The following SMG1 variants were observed in gnomAD, a reference collection of about 807,000 sequenced individuals.
SMG1 encodes the protein SMG1 nonsense mediated mRNA decay associated PI3K related kinase.
SMG1 carries 22 observed loss-of-function variants against 419.9 expected under a neutral mutation model. The ratio of observed to expected loss-of-function variants is 0.05; its 90% CI spans 0.04 to 0.07. The LOEUF is 0.07. Among genes scored for constraint, SMG1 ranks in the 10% least tolerant of loss-of-function variants. SMG1 has a pLI of 1.00. For missense variants in SMG1, 3,185 were observed against 4,342.0 expected, an observed-to-expected ratio of 0.73 and a Z score of 7.49; for synonymous variants, 1,538 against 1,553.5, an observed-to-expected ratio of 0.99 and a Z score of 0.23.
chr16:18,886,486 A>C (rs1353910504), intron 6 of SMG1, among the ~76,000 whole-genome samples: 4 of 148,030 alleles, frequency 2.7e-5, no homozygotes, highest in Non-Finnish European at 5.9e-5. Flanking sequence ...GCAATCTTAT[A>C]AAAGAAATGC....
rs755546459 is a variant in SMG1 at position 18,854,866 on chromosome 16, C to T, written c.4273G>A (p.Gly1425Ser). The T allele has an allele frequency of 3.7e-6, 6 of 1,614,000 alleles. No homozygotes were observed. The highest frequency in any genetic ancestry group is 5.1e-6 in the Non-Finnish European group (6 of 1,179,894). The stretch of plus-strand genomic sequence containing the variant: ...CTAGCAAATTTTGCTGCTGTTAGAC[C>T]TAATTCCATGAGATGGCTTCTAATT... Reference protein sequence around the residue: ...VPIRSHLMELGLTAAKFARKR... With the variant: ...VPIRSHLMELSLTAAKFARKR... The change falls in exon 30 of 63, where the codon GGT becomes AGT. Residue 1425 changes from glycine to serine, a missense_variant. By Grantham distance (56) the Gly-to-Ser change is moderately conservative. This residue lies in a region of SMG1 where 493 missense variants were observed against 552.9 expected (regional missense o/e 0.89). Transcript: ENST00000446231.
At chr16:18,885,035 A>T (rs1596594657) in intron 8 of SMG1, 55 bp downstream of exon 8, 1 of 646,428 alleles carries the variant, frequency 1.5e-6, no homozygotes, top group East Asian at 2.7e-5. Flanking sequence ...TCACTGGGGG[A>T]CCACTGCTCC....
At position 18,919,657 on chromosome 16, in the gene SMG1, T is replaced by TAC. The variant is rs368125844; in HGVS notation, c.92+6291_92+6292dup. Among the ~76,000 whole-genome samples the TAC allele has an allele frequency of 8.2e-3, 1,029 of 125,674 alleles. 12 individuals are homozygous for TAC. The highest frequency in any genetic ancestry group is 0.015 in the East Asian group (61 of 4,090). 82.4% of individuals were successfully genotyped at this position (125,674 alleles called of 152,430 possible). ...AAATGTGTGTGTGTGTGTGTATATA[T>TAC]ACACACACACACACACACACACACA... On this transcript the variant is annotated intron_variant, in intron 1 of 62. Coordinates refer to ENST00000446231, the MANE Select transcript of SMG1 (RefSeq NM_015092.5).
At chr16:18,902,389 C>T (rs2037382316) in intron 1 of SMG1, among the ~76,000 whole-genome samples, 1 of 152,116 alleles carries the variant, frequency 6.6e-6, no homozygotes, top group Non-Finnish European at 1.5e-5. Context: ...AGTGAGTCCT[C>T]CTGGCAAATC....
chr16:18,816,998 A>G (rs1021383863), intron 57 of SMG1, among the ~76,000 whole-genome samples: 2 of 151,674 alleles, frequency 1.3e-5, no homozygotes, highest in African/African-American at 4.8e-5. Context: ...CATTGGAATC[A>G]TTTGCTACAT....
At chr16:18,818,818 CT>C (rs35000007) in intron 56 of SMG1, among the ~76,000 whole-genome samples, 163 of 131,592 alleles carry the variant, frequency 1.2e-3, no homozygotes, top group East Asian at 2.6e-3. Context: ...GCACAAGGTC[CT>C]TTTTTTTTTT....
chr16:18,921,154 A>AAG (rs1555507998), intron 1 of SMG1, among the ~76,000 whole-genome samples: 1,671 of 143,402 alleles, frequency 0.012, 15 homozygotes, highest in Admixed American at 0.018. Context: ...AAAAAAAAAA[A>AAG]AGAGAGAGAG....
Position 18,850,419 on chromosome 16 carries a change from C to G in SMG1, c.5101G>C (p.Asp1701His), listed in dbSNP as rs1567365792. 3 of 1,613,830 alleles carry G rather than the reference C, an allele frequency of 1.9e-6. No homozygotes were observed. The highest frequency in any genetic ancestry group is 1.7e-6 in the Non-Finnish European group (2 of 1,179,872). Residue 1701 changes from aspartate to histidine, a missense_variant, in exon 34 of 63, where the codon GAT (aspartate) becomes CAT (histidine). Asp to His is a moderately conservative substitution (Grantham distance 81). Around this residue, in one of 27 missense-constraint regions of SMG1, gnomAD observed 493 missense variants for 552.9 expected, o/e 0.89. Coordinates refer to ENST00000446231, the MANE Select transcript of SMG1 (RefSeq NM_015092.5). ...QITESEDNEE[D>H]DMVDVIWRQL... is the part of the protein sequence containing the mutation. ...CGCCAGATAACATCAACCATGTCAT[C>G]TTCTTCGTTGTCTTCACTCTCAGTT...
In SMG1 at chr16:18,832,963, A is replaced by C. The variant is rs2033306212; in HGVS notation, c.8769T>G (p.His2923Gln). ...GCCTGGCAACATCGATGTAATGAGC[A>C]TGTGTTTCTTCTTCCAGTCCCATAG... ...NAAMGLEEETHAHYIDVARLL... is the reference protein window; with the variant it reads ...NAAMGLEEETQAHYIDVARLL... Residue 2923 changes from histidine (H) to glutamine (Q), a missense_variant, in exon 51 of 63, where the codon CAT (histidine) becomes CAG (glutamine). Physicochemically the swap from His to Gln is conservative, Grantham distance 24. Transcript: ENST00000446231. 9 of 1,613,850 alleles carry C rather than the reference A, an allele frequency of 5.6e-6. No individual in the cohort carries two copies. The highest frequency in any genetic ancestry group is 1.3e-5 in the African/African-American group (1 of 74,910).
Position 18,885,554 on chromosome 16 carries a change from C to G in SMG1, c.935G>C (p.Ser312Thr). The G allele has an allele frequency of 6.3e-7, 1 of 1,596,048 alleles. No individual in the cohort carries two copies. The highest frequency in any genetic ancestry group is 8.5e-7 in the Non-Finnish European group (1 of 1,179,540). ...TGAGGAACTCACCCTAAAATTAGTG[C>G]TGAAAATATGAGGGTAACATCGAGC... The part of the protein sequence containing the change: ...LVARCYPHIF[S>T]TNFRDTVDIL... Residue 312 changes from serine to threonine, a missense_variant, in exon 7 of 63, where the codon AGC becomes ACC. By Grantham distance (58) the Ser-to-Thr change is moderately conservative. Transcript: ENST00000446231.
chr16:18,866,237 C>A, intron 23 of SMG1: 1 of 254,654 alleles, frequency 3.9e-6, no homozygotes, highest in South Asian at 4.9e-5. Flanking sequence ...GGTACAAGCT[C>A]CTCTACCTGG....
At chr16:18,838,281 C>T in intron 44 of SMG1, 49 bp from the exon 45 acceptor site, 1 of 1,608,820 alleles carries the variant, frequency 6.2e-7, no homozygotes, top group Non-Finnish European at 8.5e-7. Context: ...AGTTTCATCA[C>T]TAAAGTGTGG....
chr16:18,867,505 C>G (rs1369143078), intron 22 of SMG1, among the ~76,000 whole-genome samples: 21 of 150,082 alleles, frequency 1.4e-4, no homozygotes, highest in Non-Finnish European at 2.5e-4. Context: ...GCCTGGGCGA[C>G]AAAGTGAAAC....
Position 18,841,558 on chromosome 16 carries a change from A to C in SMG1, c.6696+7T>G, listed in dbSNP as rs752493555. Reference sequence around the variant, plus strand: ...GACTAATACACTGTGTAGATGATTTAATCAACCTTTTGTGCTTGTAAGGCA... The same window carrying C: ...GACTAATACACTGTGTAGATGATTTCATCAACCTTTTGTGCTTGTAAGGCA... On this transcript the variant is annotated splice_region_variant and intron_variant, in intron 41 of 62. Transcript: ENST00000446231. The C allele has an allele frequency of 4.3e-6, 7 of 1,611,606 alleles. No individual in the cohort carries two copies. The highest frequency in any genetic ancestry group is 1.7e-5 in the Admixed American group (1 of 59,946).
chr16:18,881,496 A>T (rs914695591), intron 10 of SMG1, among the ~76,000 whole-genome samples: 2 of 152,230 alleles, frequency 1.3e-5, no homozygotes, highest in African/African-American at 4.8e-5. Flanking sequence ...CCTAAAAGCA[A>T]GTTTTATCCT....
At chr16:18,866,816 A>G in intron 22 of SMG1, 41 bp from the exon 23 acceptor site, 5 of 1,558,058 alleles carry the variant, frequency 3.2e-6, no homozygotes, top group Non-Finnish European at 4.4e-6. Context: ...CAATACCATT[A>G]AAACATAAAT....
Position 18,831,612 on chromosome 16 carries a change from C to T in SMG1, c.8793-1243G>A, listed in dbSNP as rs111608950. Reference sequence around the variant, plus strand: ...TATTAATGATTATACTTTTTCTAGCCGGGCATGGGGGCATACGTCCATAGT... The same window carrying T: ...TATTAATGATTATACTTTTTCTAGCTGGGCATGGGGGCATACGTCCATAGT... On this transcript the variant is annotated intron_variant, in intron 51 of 62. Coordinates refer to ENST00000446231, the MANE Select transcript of SMG1 (RefSeq NM_015092.5). Among the ~76,000 whole-genome samples, 147 of 151,274 alleles carry T rather than the reference C, an allele frequency of 9.7e-4. 2 individuals carry two copies. In the South Asian group the frequency reaches 0.026, roughly 27 times the overall value.
At chr16:18,813,366 C>A (rs2031660489) in intron 60 of SMG1, among the ~76,000 whole-genome samples, 2 of 152,156 alleles carry the variant, frequency 1.3e-5, no homozygotes, top group South Asian at 4.1e-4. Context: ...GCCATTCTAA[C>A]TGGTGTGAGA....
rs771502624 is a variant in SMG1, at chr16:18,866,691, C to G, written c.3280G>C (p.Val1094Leu). The change falls in exon 23 of 63, where the codon GTC becomes CTC. Residue 1094 changes from valine to leucine, a missense_variant. Around this residue, in one of 27 missense-constraint regions of SMG1, gnomAD observed 121 missense variants for 125.4 expected, o/e 0.96. Transcript: ENST00000446231. ...HCPEAIQGIA[V>L]WSSSIVGKNL... ...TTTCCAACAATAGATGATGACCAGACAGCAATTCCCTGTATAGCTTCAGGA... is the reference window on the plus strand; with the variant it reads ...TTTCCAACAATAGATGATGACCAGAGAGCAATTCCCTGTATAGCTTCAGGA... 4.4e-6 allele frequency: 7 copies of G among 1,593,906 alleles called. No individual in the cohort carries two copies. The highest frequency in any genetic ancestry group is 5.9e-6 in the Non-Finnish European group (7 of 1,176,476).
Sources: gnomAD v4.1 joint callset for allele counts (sites outside exome capture counted in the v4.1 genomes callset) on GRCh38, gnomAD v4.1.1 for gene constraint, gnomAD v4.1.1 regional missense constraint, MANE v1.5 for transcripts, NCBI Gene and HGNC (gene_info 2026-07-23, HGNC 2026-07-21) for gene names.